Variants in MEI4 observed in about 807,000 individuals in gnomAD.
MEI4 encodes the protein meiosis-specific protein MEI4.
A neutral mutation model predicts 31.4 loss-of-function variants in MEI4; 27 were observed. That is an observed-to-expected ratio of 0.86 (90% CI 0.63 to 1.19). The LOEUF (loss-of-function observed/expected upper bound fraction) is 1.19, where lower values mean the gene tolerates loss of function less well. Ranked by LOEUF, MEI4 falls within the 50% of genes most tolerant of loss-of-function variation. MEI4 has a pLI of 0.00. For missense variants in MEI4, 329 were observed against 398.9 expected (o/e 0.82, Z 1.49); for synonymous variants, 122 against 145.4 (o/e 0.84, Z 1.16).
At chr6:77,765,021 A>G (rs768558690) in intron 3 of MEI4, among the ~76,000 whole-genome samples, 4 of 152,202 alleles carry the variant, frequency 2.6e-5, no homozygotes, top group African/African-American at 4.8e-5. Context: ...TTAAATGAAC[A>G]AGTTTTCAAT....
At chr6:77,839,469 A>G (rs1467237856) in intron 4 of MEI4, among the ~76,000 whole-genome samples, 1 of 152,130 alleles carries the variant, frequency 6.6e-6, no homozygotes, top group Non-Finnish European at 1.5e-5. Context: ...CTATGTAGGA[A>G]GGATATAATT....
intron 4 of MEI4, among the ~76,000 whole-genome samples, chr6:77,869,532 C>T (rs367869505): frequency 6.6e-6 from 1 of 151,992 alleles, no homozygotes; most frequent in South Asian, 2.1e-4. Flanking sequence ...ACAGAAGGGC[C>T]GTCATCTGCA....
chr6:77,918,677 AT>A (rs1766625519), intron 4 of MEI4, among the ~76,000 whole-genome samples: 2 of 151,904 alleles, frequency 1.3e-5, no homozygotes, highest in South Asian at 4.2e-4. Context: ...GGCTGAGACA[AT>A]GGGGTTTTCC....
Position 77,900,793 on chromosome 6 carries a change from A to G in MEI4, c.901-22296A>G, listed in dbSNP as rs1456171068. Among the ~76,000 whole-genome samples the G allele has an allele frequency of 3.9e-5, 6 of 152,002 alleles. No individual in the cohort carries two copies. The East Asian group carries it at 1.2e-3, about 29-fold the overall frequency. On this transcript the variant is annotated intron_variant, in intron 4 of 4. Transcript: ENST00000684080. ...TATACTTATTGTCATTAACTTTACC[A>G]TAATGCACAACAGGTGTCTTGAACT...
chr6:77,690,390 T>C (rs1157922429), intron 1 of MEI4, among the ~76,000 whole-genome samples: 1 of 152,006 alleles, frequency 6.6e-6, no homozygotes, highest in Non-Finnish European at 1.5e-5. Context: ...AATGAATTAA[T>C]ATGTGTTTTT....
chr6:77,869,793 C>G (rs971946891), intron 4 of MEI4, among the ~76,000 whole-genome samples: 1 of 152,070 alleles, frequency 6.6e-6, no homozygotes, highest in African/African-American at 2.4e-5. Context: ...AAGAGAATAT[C>G]AGGAAGAAGG....
chr6:77,704,542 C>A (rs771419778), intron 2 of MEI4, among the ~76,000 whole-genome samples: 29 of 152,144 alleles, frequency 1.9e-4, no homozygotes, highest in African/African-American at 6.5e-4. Flanking sequence ...GCTGCATGAG[C>A]ATCAGGTGGG....
At chr6:77,866,511 A>C (rs1291123358) in intron 4 of MEI4, among the ~76,000 whole-genome samples, 1 of 152,230 alleles carries the variant, frequency 6.6e-6, no homozygotes, top group Non-Finnish European at 1.5e-5. Flanking sequence ...TAGGAATCCA[A>C]CTTATAAGGG....
intron 4 of MEI4, among the ~76,000 whole-genome samples, chr6:77,867,084 T>C (rs1771053348): frequency 1.3e-5 from 2 of 152,180 alleles, no homozygotes. Context: ...CAAGATGGAT[T>C]AAAGACTTAC....
At chr6:77,903,457 A>G (rs1766227370) in intron 4 of MEI4, among the ~76,000 whole-genome samples, 1 of 152,328 alleles carries the variant, frequency 6.6e-6, no homozygotes, top group East Asian at 1.9e-4. Flanking sequence ...AGGCTAAACT[A>G]TGATGTTTGA....
At chr6:77,788,253 C>T (rs915236078) in intron 3 of MEI4, among the ~76,000 whole-genome samples, 1 of 152,146 alleles carries the variant, frequency 6.6e-6, no homozygotes, top group Non-Finnish European at 1.5e-5. Context: ...GGATGTACCT[C>T]AAAATAATAA....
intron 4 of MEI4, among the ~76,000 whole-genome samples, chr6:77,874,008 C>G (rs1254162321): frequency 6.6e-6 from 1 of 152,118 alleles, no homozygotes; most frequent in African/African-American, 2.4e-5. Context: ...GTTACTGTAG[C>G]CTTGTAGTAT....
chr6:77,876,918 G>GA (rs1362135730), intron 4 of MEI4, among the ~76,000 whole-genome samples: 1 of 151,792 alleles, frequency 6.6e-6, no homozygotes, highest in Non-Finnish European at 1.5e-5. Context: ...GAAAAGGAGG[G>GA]AAAAAAAGGT....
chr6:77,909,097 T>A (rs1240210402), intron 4 of MEI4, among the ~76,000 whole-genome samples: 1 of 152,136 alleles, frequency 6.6e-6, no homozygotes, highest in Admixed American at 6.6e-5. Context: ...GACCACATAG[T>A]TGGAACTAAA....
chr6:77,877,257 G>GT (rs2127727394), intron 4 of MEI4, among the ~76,000 whole-genome samples: 1 of 151,710 alleles, frequency 6.6e-6, no homozygotes, highest in African/African-American at 2.4e-5. Context: ...GTGTGTGTGT[G>GT]GGTATGTGTG....
intron 3 of MEI4, among the ~76,000 whole-genome samples, chr6:77,795,649 T>A (rs1769054632): frequency 6.6e-6 from 1 of 151,906 alleles, no homozygotes; most frequent in South Asian, 2.1e-4. Context: ...CTGTGAACAT[T>A]ATATGGATAA....
chr6:77,754,850 A>G (rs1767871446), intron 2 of MEI4, among the ~76,000 whole-genome samples: 1 of 152,016 alleles, frequency 6.6e-6, no homozygotes. Flanking sequence ...CAACTCACTC[A>G]CTGTCATGAG....
rs547797358 is a variant in MEI4 at position 77,820,242 on chromosome 6, T to TTTTTTG, written c.769-8670_769-8665dup. Among the ~76,000 whole-genome samples, 1,230 of 152,202 alleles carry TTTTTTG rather than the reference T, an allele frequency of 8.1e-3. 18 individuals carry two copies. Among genetic ancestry groups the TTTTTTG allele is most frequent in the African/African-American group, 0.027 (1,135 of 41,536 alleles). ...ACAAAGAGACTCCTGGGACTGGTTT[T>TTTTTTG]TTTTTGTTTTTGTTTTTGTTTTTGG... On this transcript the variant is annotated intron_variant, in intron 3 of 4. Transcript: ENST00000684080. This position sits in a 1 kb window ranked among gnomAD's most constrained non-coding sequence, Gnocchi z 4.5.
chr6:77,802,802 C>G (rs544150056), intron 3 of MEI4, among the ~76,000 whole-genome samples: 2 of 152,326 alleles, frequency 1.3e-5, no homozygotes, highest in South Asian at 4.1e-4. Context: ...TATTGGCTCA[C>G]ACTGTTTTCT....
Sources: allele counts gnomAD v4.1 joint callset (sites outside exome capture counted in the v4.1 genomes callset), GRCh38; gene constraint gnomAD v4.1.1; non-coding constraint Gnocchi (gnomAD v3.1); transcripts MANE v1.5; gene names NCBI Gene and HGNC (gene_info 2026-07-23, HGNC 2026-07-21).